Variants in CTNND2 observed in about 807,000 individuals in gnomAD.
CTNND2 encodes catenin delta 2, also known as catenin delta-2.
A neutral mutation model predicts 144.4 loss-of-function variants in CTNND2; 22 were observed. That is an observed-to-expected ratio of 0.15 (90% CI 0.11 to 0.22). CTNND2 has a LOEUF of 0.22. Ranked by LOEUF, CTNND2 falls within the 10% of genes least tolerant of loss-of-function variation. The pLI, the probability that CTNND2 is intolerant of heterozygous loss-of-function variation, is 1.00. For missense variants in CTNND2, 1,353 were observed against 1,618.8 expected, an observed-to-expected ratio of 0.84 and a Z score of 2.82; for synonymous variants, 751 against 695.6, an observed-to-expected ratio of 1.08 and a Z score of -1.25.
At chr5:11,878,792 A>G (rs549344072) in intron 1 of CTNND2, among the ~76,000 whole-genome samples, 8 of 152,216 alleles carry the variant, frequency 5.3e-5, no homozygotes, top group Non-Finnish European at 1.0e-4. Flanking sequence ...AGACACCAAC[A>G]AAGAAAAAGC....
At chr5:11,425,271 T>C (rs576112833) in intron 3 of CTNND2, among the ~76,000 whole-genome samples, 2 of 152,358 alleles carry the variant, frequency 1.3e-5, no homozygotes, top group African/African-American at 2.4e-5. Flanking sequence ...ACCTGGTAGA[T>C]GATTTGCAGG....
intron 12 of CTNND2, among the ~76,000 whole-genome samples, chr5:11,152,731 C>T (rs1180803516): frequency 6.6e-6 from 1 of 152,180 alleles, no homozygotes; most frequent in Non-Finnish European, 1.5e-5. Context: ...TACTCCTCCT[C>T]ACTCCACTGA....
rs1776402898 is a variant in CTNND2, at chr5:11,558,363, T to TAC, written c.287+6580_287+6581insGT. Among the ~76,000 whole-genome samples the TAC allele has an allele frequency of 2.9e-5, 3 of 103,240 alleles. No individual in the cohort carries two copies. In the Admixed American group the frequency reaches 3.1e-4, roughly 10 times the overall value. The allele number at this position is 103,240 out of a possible 152,430, so 67.7% of individuals were successfully genotyped here. On this transcript the variant is annotated intron_variant, in intron 3 of 21. Transcript: ENST00000304623. Reference sequence around the variant, plus strand: ...ACACGTGTGTGTGTGTGTGTGTGTGTGTGTGTGTGTGTGTGTGTGACACAC... The same window carrying TAC: ...ACACGTGTGTGTGTGTGTGTGTGTGTACGTGTGTGTGTGTGTGTGTGACACAC...
At chr5:11,022,295 C>T (rs1742338476) in intron 17 of CTNND2, among the ~76,000 whole-genome samples, 1 of 152,126 alleles carries the variant, frequency 6.6e-6, no homozygotes, top group South Asian at 2.1e-4. Context: ...CATCTCACAG[C>T]TTGTAAGGGA....
chr5:11,650,424 C>T (rs1782590865), intron 2 of CTNND2, among the ~76,000 whole-genome samples: 1 of 152,054 alleles, frequency 6.6e-6, no homozygotes, highest in Non-Finnish European at 1.5e-5. Context: ...TGGACTAATA[C>T]AGAAAATTGG....
At chr5:11,751,872 T>C (rs1412958233) in intron 1 of CTNND2, among the ~76,000 whole-genome samples, 3 of 151,844 alleles carry the variant, frequency 2.0e-5, no homozygotes, top group Admixed American at 6.6e-5. Flanking sequence ...CTCACCAGCA[T>C]CTGTTACTAT....
chr5:11,518,114 C>T (rs4702810), intron 3 of CTNND2, among the ~76,000 whole-genome samples: 15,414 of 152,098 alleles, frequency 0.1, 945 homozygotes, highest in Admixed American at 0.16. Context: ...AACAATGGGC[C>T]GCATATAAGA....
chr5:11,715,967 C>T (rs1786326509), intron 2 of CTNND2, among the ~76,000 whole-genome samples: 1 of 152,202 alleles, frequency 6.6e-6, no homozygotes, highest in African/African-American at 2.4e-5. Context: ...TATCCAAACT[C>T]TCTATCGTAG....
At chr5:11,334,525 T>C (rs1753539856) in intron 9 of CTNND2, among the ~76,000 whole-genome samples, 1 of 152,198 alleles carries the variant, frequency 6.6e-6, no homozygotes, top group African/African-American at 2.4e-5. Flanking sequence ...TTCCAGTATA[T>C]TAGGAAGTGC....
At chr5:11,203,924 G>A (rs1259701808) in intron 10 of CTNND2, among the ~76,000 whole-genome samples, 2 of 152,110 alleles carry the variant, frequency 1.3e-5, no homozygotes, top group African/African-American at 4.8e-5. Flanking sequence ...AATAGAATTG[G>A]ACAGTGACCA....
chr5:11,733,793 T>C (rs993987577), intron 1 of CTNND2, among the ~76,000 whole-genome samples: 7 of 152,220 alleles, frequency 4.6e-5, no homozygotes, highest in Admixed American at 3.9e-4. Context: ...TTAGACCCAA[T>C]GCATAAGTGG....
intron 3 of CTNND2, among the ~76,000 whole-genome samples, chr5:11,478,981 G>T (rs541708372): frequency 6.6e-6 from 1 of 152,218 alleles, no homozygotes; most frequent in African/African-American, 2.4e-5. Context: ...TTAAACACCA[G>T]AGAGGAAAAC....
At chr5:11,311,398 A>ATC (rs1750833173) in intron 9 of CTNND2, among the ~76,000 whole-genome samples, 2 of 110,152 alleles carry the variant, frequency 1.8e-5, no homozygotes, top group Admixed American at 9.1e-5. Flanking sequence ...ATGCACCCTC[A>ATC]CCTCACATGC....
chr5:11,385,972 T>A (rs902143520), intron 6 of CTNND2: 7 of 152,196 alleles, frequency 4.6e-5, no homozygotes, highest in African/African-American at 1.7e-4. Flanking sequence ...CATCTTTCTC[T>A]CTCTAGCTCC....
At chr5:11,888,258 A>T (rs1736699735) in intron 1 of CTNND2, among the ~76,000 whole-genome samples, 1 of 152,224 alleles carries the variant, frequency 6.6e-6, no homozygotes, top group Non-Finnish European at 1.5e-5. Context: ...TGTAGCTTAA[A>T]GGCCAAAGTT....
chr5:11,075,176 G>A (rs1184331248), intron 16 of CTNND2, among the ~76,000 whole-genome samples: 1 of 152,176 alleles, frequency 6.6e-6, no homozygotes, highest in African/African-American at 2.4e-5. Flanking sequence ...ATCTTGGTTG[G>A]TGGATGCCTG....
intron 2 of CTNND2, among the ~76,000 whole-genome samples, chr5:11,592,222 G>C (rs1323871895): frequency 1.5e-5 from 2 of 132,752 alleles, no homozygotes; most frequent in Admixed American, 7.5e-5. Flanking sequence ...CTTCCAGTCT[G>C]CCTTCCTGCC....
chr5:11,672,397 C>A (rs1484595334), intron 2 of CTNND2, among the ~76,000 whole-genome samples: 3 of 152,226 alleles, frequency 2.0e-5, no homozygotes, highest in Admixed American at 2.0e-4. Context: ...CCCCTTCCCC[C>A]AGGTGATCCG....
At chr5:11,187,367 T>C (rs948612767) in intron 11 of CTNND2, among the ~76,000 whole-genome samples, 1 of 152,092 alleles carries the variant, frequency 6.6e-6, no homozygotes, top group South Asian at 2.1e-4. Context: ...GACTCCCTAT[T>C]TAATAAATGG....
Sources: gnomAD v4.1 joint callset for allele counts (sites outside exome capture counted in the v4.1 genomes callset) on GRCh38, gnomAD v4.1.1 for gene constraint, MANE v1.5 for transcripts, NCBI Gene and HGNC (gene_info 2026-07-23, HGNC 2026-07-21) for gene names.